MMUT: variants seen among roughly 807,000 people sequenced by gnomAD.
MMUT encodes the protein methylmalonyl-CoA mutase, mitochondrial.
In MMUT, 79 loss-of-function variants were observed where a neutral mutation model predicts 79.9. The observed-to-expected ratio is 0.99, with a 90% CI of 0.82 to 1.19. MMUT has a LOEUF of 1.19. Among genes scored for constraint, MMUT ranks in the 50% most tolerant of loss-of-function variants. MMUT has a pLI of 0.00. For synonymous variants in MMUT, 273 were observed against 295.7 expected (o/e 0.92, Z 0.79); for missense variants, 860 against 917.2 (o/e 0.94, Z 0.81).
Position 49,451,472 on chromosome 6 carries a change from A to T in MMUT, c.1326T>A (p.Ala442=), listed in dbSNP as rs2127417866. ...ECLTNDVYDA[A]LKLINEIEEM... is the part of the protein sequence containing the mutation. ...GCAAAGTGGAAAAACTTACCTTTAA[A>T]GCAGCATCATAAACATCATTTGTGA... The change falls in exon 6 of 13, where the codon GCT becomes GCA. Residue 442 remains alanine, a synonymous_variant. Coordinates refer to ENST00000274813, the MANE Select transcript of MMUT (RefSeq NM_000255.4). 3 of 1,614,054 alleles carry T rather than the reference A, an allele frequency of 1.9e-6. No individual in the cohort carries two copies. Among genetic ancestry groups the T allele is most frequent in the Non-Finnish European group, 2.5e-6 (3 of 1,179,982 alleles).
rs1351709592 is a variant in MMUT, at chr6:49,459,076, T to C, written c.385+6A>G. 6.2e-7 allele frequency: 1 copy of C among 1,613,128 alleles called. No individual in the cohort carries two copies. The highest frequency in any genetic ancestry group is 8.5e-7 in the Non-Finnish European group (1 of 1,179,260). On this transcript the variant is annotated splice_donor_region_variant and intron_variant, in intron 2 of 12. Coordinates refer to ENST00000274813, the MANE Select transcript of MMUT (RefSeq NM_000255.4). Reference sequence around the variant, plus strand: ...ATAAATATTATGTCTTACATTAAAATCTCACCCTTAATGTTGTCCTTATAG... The same window carrying C: ...ATAAATATTATGTCTTACATTAAAACCTCACCCTTAATGTTGTCCTTATAG...
chr6:49,440,643 A>C (rs1176843602), intron 10 of MMUT, among the ~76,000 whole-genome samples: 1 of 151,898 alleles, frequency 6.6e-6, no homozygotes, highest in Non-Finnish European at 1.5e-5. Context: ...TGATCTCCCT[A>C]CTCTCGTCCA....
At chr6:49,433,000 TATA>T (rs1025590166) in intron 12 of MMUT, among the ~76,000 whole-genome samples, 3 of 152,222 alleles carry the variant, frequency 2.0e-5, no homozygotes, top group Admixed American at 2.0e-4. Context: ...GTAATATTCT[TATA>T]ATACTATAAT....
At position 49,434,499 on chromosome 6, in the gene MMUT, T is replaced by C. The variant is rs578031964; in HGVS notation, c.2124+957A>G. ...ACATTTTACTGATGGATTCCTGCTA[T>C]AGTGATGGGGCCTTTGCAGCTAGCA... On this transcript the variant is annotated intron_variant, in intron 12 of 12. Coordinates refer to ENST00000274813, the MANE Select transcript of MMUT (RefSeq NM_000255.4). Among the ~76,000 whole-genome samples, 4 of 152,276 alleles carry C rather than the reference T, an allele frequency of 2.6e-5. No homozygotes were observed. The East Asian group carries it at 5.8e-4, about 22-fold the overall frequency.
At chr6:49,448,789 C>T (rs754040764) in intron 7 of MMUT, 27 bp downstream of exon 7, 9 of 1,512,876 alleles carry the variant, frequency 5.9e-6, no homozygotes, top group Non-Finnish European at 8.3e-6. Flanking sequence ...TACTGGATTT[C>T]ATATATGAAC....
At chr6:49,457,381 G>T (rs1209445477) in intron 3 of MMUT, among the ~76,000 whole-genome samples, 1 of 152,180 alleles carries the variant, frequency 6.6e-6, no homozygotes, top group African/African-American at 2.4e-5. Context: ...TCTGATACCA[G>T]TGTCTACTTC....
chr6:49,435,018 C>G (rs977523308), intron 12 of MMUT, among the ~76,000 whole-genome samples: 2 of 152,148 alleles, frequency 1.3e-5, no homozygotes. Context: ...TAGAAGCAAG[C>G]AAACTAAAGG....
rs1480833212 is a variant in MMUT at position 49,451,496 on chromosome 6, G to A, written c.1302C>T (p.Leu434=). 3 of 1,613,972 alleles carry A rather than the reference G, an allele frequency of 1.9e-6. No homozygotes were observed. ...PWGGSYMMEC[L]TNDVYDAALK... is the part of the protein sequence containing the mutation. ...AAGCAGCATCATAAACATCATTTGT[G>A]AGACATTCCATCATGTAAGAACCTC... Residue 434 remains leucine (L), a synonymous_variant, in exon 6 of 13, where the codon CTC becomes CTT. Transcript: ENST00000274813.
chr6:49,431,963 CTGGTATACT>C, intron 12 of MMUT, 107 bp from the exon 13 acceptor site: 1 of 1,296,078 alleles, frequency 7.7e-7, no homozygotes, highest in Non-Finnish European at 1.1e-6. Context: ...ACCTTCTCAA[CTGGTATACT>C]ACTGGCATTT....
chr6:49,448,098 T>C (rs1241319457), intron 7 of MMUT, among the ~76,000 whole-genome samples: 4 of 152,002 alleles, frequency 2.6e-5, no homozygotes, highest in Admixed American at 6.6e-5. Flanking sequence ...CTAAGATTTA[T>C]AAGGTAGAGA....
Position 49,453,756 on chromosome 6 carries a change from C to A in MMUT, c.912G>T (p.Arg304Ser), listed in dbSNP as rs201311681. The A allele has an allele frequency of 6.2e-7, 1 of 1,610,614 alleles. No homozygotes were observed. The highest frequency in any genetic ancestry group is 1.3e-5 in the African/African-American group (1 of 74,756). Residue 304 changes from arginine to serine, a missense_variant and splice_region_variant, in exon 5 of 13, where the codon AGG (arginine) becomes AGT (serine). Arg to Ser is a moderately radical substitution (Grantham distance 110, BLOSUM62 -1). Transcript: ENST00000274813. ...AGLTIDEFAP[R>S]LSFFWGIGMN... ...TTCCAATTCCCCAGAAGAAAGACAA[C>A]CTAAAATAGTAACGTTAGGTCCAGA...
At position 49,459,228 on chromosome 6, in the gene MMUT, T is replaced by G; in HGVS notation, c.239A>C (p.Asp80Ala). 6.2e-7 allele frequency: 1 copy of G among 1,614,168 alleles called. No individual in the cohort carries two copies. Among genetic ancestry groups the G allele is most frequent in the Non-Finnish European group, 8.5e-7 (1 of 1,180,032 alleles). Residue 80 changes from aspartate to alanine, a missense_variant, in exon 2 of 13, where the codon GAC (aspartate) becomes GCC (alanine). Asp to Ala is a moderately radical substitution (Grantham distance 126, BLOSUM62 -2). Transcript: ENST00000274813. The part of the protein sequence containing the change: ...KPLYSKRDTM[D>A]LPEELPGVKP... ...CACTCCTGGAAGTTCTTCAGGTAAGTCCATAGTATCTCTCTTGGAATACAA... is the reference window on the plus strand; with the variant it reads ...CACTCCTGGAAGTTCTTCAGGTAAGGCCATAGTATCTCTCTTGGAATACAA...
intron 5 of MMUT, among the ~76,000 whole-genome samples, chr6:49,453,059 TAGACG>T (rs1767595469): frequency 1.4e-5 from 2 of 138,976 alleles, no homozygotes; most frequent in South Asian, 2.3e-4. Context: ...TTTTTTTTTT[TAGACG>T]TAGTTGTGCT....
intron 7 of MMUT, 44 bp from the exon 8 acceptor site, chr6:49,447,829 TAA>T: frequency 1.9e-6 from 2 of 1,026,818 alleles, no homozygotes; most frequent in Middle Eastern, 2.1e-4. Flanking sequence ...AATAATTACC[TAA>T]TTGTAATGCT....
intron 11 of MMUT, among the ~76,000 whole-genome samples, chr6:49,436,653 T>C (rs1767138314): frequency 6.6e-6 from 1 of 151,020 alleles, no homozygotes; most frequent in Admixed American, 6.6e-5. Flanking sequence ...ATTGTAGCAC[T>C]ATTCACCACA....
rs1767611359 is a variant in MMUT, at chr6:49,453,580, C to T, written c.1083+5G>A. 5 of 1,577,660 alleles carry T rather than the reference C, an allele frequency of 3.2e-6. No individual in the cohort carries two copies. The highest frequency in any genetic ancestry group is 1.1e-5 in the South Asian group (1 of 87,920). On this transcript the variant is annotated splice_donor_5th_base_variant and intron_variant, in intron 5 of 12. Transcript: ENST00000274813. ...AAAATTCTACATTTTAAATTATATA[C>T]ATACCTGCTCAGTAAGTGACCATCC...
chr6:49,442,415 A>G (rs995680139), intron 9 of MMUT, among the ~76,000 whole-genome samples: 1 of 152,116 alleles, frequency 6.6e-6, no homozygotes, highest in Admixed American at 6.6e-5. Flanking sequence ...CTATATCTCT[A>G]TATCTACTAT....
chr6:49,430,593 CA>C lies in MMUT; in HGVS notation c.*1134del, dbSNP rs975205014. 2 of 148,812 alleles carry C rather than the reference CA, an allele frequency of 1.3e-5. No individual in the cohort carries two copies. The highest frequency in any genetic ancestry group is 2.5e-5 in the African/African-American group (1 of 40,138). The allele number at this position is 148,812 out of a possible 1,614,324, so 9.2% of individuals were successfully genotyped here. ...TCTGAAAATTAAATACATTGTATTA[CA>C]ATGAGTTTGTAAATTCTACAGTAAT... On this transcript the variant is annotated 3_prime_UTR_variant, in exon 13 of 13. Coordinates refer to ENST00000274813, the MANE Select transcript of MMUT (RefSeq NM_000255.4).
intron 8 of MMUT, among the ~76,000 whole-genome samples, chr6:49,445,723 G>A (rs982281297): frequency 6.6e-6 from 1 of 151,902 alleles, no homozygotes; most frequent in Admixed American, 6.6e-5. Flanking sequence ...TACATATTCA[G>A]TACAGACATA....
Sources: gnomAD v4.1 joint callset for allele counts (sites outside exome capture counted in the v4.1 genomes callset) on GRCh38, gnomAD v4.1.1 for gene constraint, MANE v1.5 for transcripts, NCBI Gene and HGNC (gene_info 2026-07-23, HGNC 2026-07-21) for gene names.